The following MYLK3 variants were observed in gnomAD, a reference collection of about 807,000 sequenced individuals.
MYLK3 encodes MLC kinase.
A neutral mutation model predicts 76.3 loss-of-function variants in MYLK3; 55 were observed. The ratio of observed to expected loss-of-function variants is 0.72; its 90% CI spans 0.58 to 0.90. The LOEUF (loss-of-function observed/expected upper bound fraction) is 0.90. MYLK3 is among the 40% of genes least tolerant of loss of function. MYLK3 has a pLI of 0.00. For missense variants in MYLK3, 973 were observed against 1,053.6 expected (o/e 0.92, Z 1.06); for synonymous variants, 416 against 425.4 (o/e 0.98, Z 0.27).
intron 9 of MYLK3, among the ~76,000 whole-genome samples, chr16:46,716,887 C>G (rs1966745948): frequency 6.6e-6 from 1 of 152,190 alleles, no homozygotes; most frequent in Admixed American, 6.5e-5. Flanking sequence ...GATGGCTGAA[C>G]ATGGGGAGAT....
At chr16:46,748,406 G>A (rs1243358560), upstream of MYLK3, 8 of 873,690 alleles carry the variant, frequency 9.2e-6, no homozygotes, top group African/African-American at 1.7e-5. This position sits in a 1 kb window ranked among gnomAD's most constrained non-coding sequence, Gnocchi z 4.3. Flanking sequence ...CACCCTACAC[G>A]GGCCTGTGAG....
chr16:46,754,771 G>A (rs1395039392), intron 1 of MYLK3, among the ~76,000 whole-genome samples: 1 of 152,194 alleles, frequency 6.6e-6, no homozygotes, highest in African/African-American at 2.4e-5. Context: ...ACAACTGGAT[G>A]CTGGAAGAGA....
upstream of MYLK3, among the ~76,000 whole-genome samples, chr16:46,751,224 A>C (rs1967120434): frequency 6.6e-6 from 1 of 152,026 alleles, no homozygotes; most frequent in African/African-American, 2.4e-5. Context: ...CAGCCTGGTC[A>C]ACATGATGAA....
intron 2 of MYLK3, 42 bp from the exon 3 acceptor site, chr16:46,738,185 A>G (rs757410664): frequency 3.0e-5 from 43 of 1,437,974 alleles, no homozygotes; most frequent in Non-Finnish European, 4.0e-5. Flanking sequence ...TCCCATGTGG[A>G]GGAGTCTGCC....
intron 9 of MYLK3, 33 bp from the exon 10 acceptor site, chr16:46,712,809 G>A: frequency 6.5e-7 from 1 of 1,541,444 alleles, no homozygotes; most frequent in South Asian, 1.3e-5. Context: ...AAGAAGCATG[G>A]GGTGAGGCCT....
chr16:46,739,955 G>T, intron 2 of MYLK3, 102 bp downstream of exon 2: 1 of 799,130 alleles, frequency 1.3e-6, no homozygotes, highest in South Asian at 2.0e-5. Flanking sequence ...AAGAAGCTTT[G>T]ACAGTTGCCC....
chr16:46,708,015 A>AG (rs906713022), intron 12 of MYLK3, among the ~76,000 whole-genome samples: 30 of 151,576 alleles, frequency 2.0e-4, no homozygotes, highest in South Asian at 4.2e-4. Flanking sequence ...GGGAGGGGGT[A>AG]GGGGGGTCAG....
chr16:46,753,948 C>T (rs915259325), intron 1 of MYLK3, among the ~76,000 whole-genome samples: 4 of 151,930 alleles, frequency 2.6e-5, no homozygotes, highest in African/African-American at 4.8e-5. Context: ...TTTGTGGCCA[C>T]AGAAAAGCGT....
chr16:46,755,902 C>CTTT, intron 1 of MYLK3, among the ~76,000 whole-genome samples: 1 of 46,702 alleles, frequency 2.1e-5, no homozygotes, highest in South Asian at 6.4e-4. Flanking sequence ...TTTCTTTTTT[C>CTTT]TTTCTTTTTT....
intron 3 of MYLK3, 70 bp from the exon 4 acceptor site, chr16:46,732,738 C>G: frequency 8.2e-7 from 1 of 1,217,212 alleles, no homozygotes; most frequent in Non-Finnish European, 1.1e-6. Context: ...ACGTGGGTTC[C>G]AATGCCCACT....
rs1275310831 is a variant in MYLK3, at chr16:46,718,242, C to T, written c.1985+2881G>A. On this transcript the variant is annotated intron_variant, in intron 9 of 12. Coordinates refer to ENST00000394809, the MANE Select transcript of MYLK3 (RefSeq NM_182493.3). Reference sequence around the variant, plus strand: ...AGAAACACTGCCCTAGTGTATACAACGTGCAAGCATGTGGGAGGCATCTGA... The same window carrying T: ...AGAAACACTGCCCTAGTGTATACAATGTGCAAGCATGTGGGAGGCATCTGA... 2.6e-5 allele frequency among the ~76,000 whole-genome samples: 4 copies of T among 152,208 alleles called. No individual in the cohort carries two copies. In the East Asian group the frequency reaches 5.8e-4, roughly 22 times the overall value.
At chr16:46,730,057 C>A in intron 5 of MYLK3, 1 of 413,600 alleles carries the variant, frequency 2.4e-6, no homozygotes, top group Non-Finnish European at 4.5e-6. Context: ...TCCCCTCACC[C>A]CACACCACCC....
Position 46,729,697 on chromosome 16 carries a change from C to T in MYLK3, c.1569-10G>A, listed in dbSNP as rs547611755. ...CTGGCCAAACCGACCCCTGCAGAGACATAGCCACACGGCAGGCTGAGAGCC... is the reference window on the plus strand; with the variant it reads ...CTGGCCAAACCGACCCCTGCAGAGATATAGCCACACGGCAGGCTGAGAGCC... On this transcript the variant is annotated splice_polypyrimidine_tract_variant and intron_variant, in intron 5 of 12. Coordinates refer to ENST00000394809, the MANE Select transcript of MYLK3 (RefSeq NM_182493.3). 59 of 1,612,602 alleles carry T rather than the reference C, an allele frequency of 3.7e-5. 1 individual carries two copies. The South Asian group carries it at 6.3e-4, about 17-fold the overall frequency.
chr16:46,730,693 T>C lies in MYLK3; in HGVS notation c.1468A>G (p.Ser490Gly), dbSNP rs1165889514. ...TCAAAAGGAGCTGGTGGGGCCGGAC[T>C]GTCATCTGCTCAGGAGGCAATAAGG... ...AEAGSVVLDD[S>G]PAPPAPFEHR... is the part of the protein sequence containing the mutation. The change falls in exon 5 of 13, where the codon AGT becomes GGT. Residue 490 changes from serine to glycine, a missense_variant. Physicochemically the swap from Ser to Gly is moderately conservative, Grantham distance 56 (BLOSUM62 0). Coordinates refer to ENST00000394809, the MANE Select transcript of MYLK3 (RefSeq NM_182493.3). 6.2e-7 allele frequency: 1 copy of C among 1,613,794 alleles called. No homozygotes were observed. The highest frequency in any genetic ancestry group is 1.7e-5 in the Admixed American group (1 of 59,996).
rs191838475 is a variant in MYLK3 at position 46,733,936 on chromosome 16, A to G, written c.1002-1268T>C. On this transcript the variant is annotated intron_variant, in intron 3 of 12. Coordinates refer to ENST00000394809, the MANE Select transcript of MYLK3 (RefSeq NM_182493.3). ...ACAGATGCACCAAGAGTCAACCAAGAGAGGAAGGCACAAATGCAGGGGTTC... is the reference window on the plus strand; with the variant it reads ...ACAGATGCACCAAGAGTCAACCAAGGGAGGAAGGCACAAATGCAGGGGTTC... Among the ~76,000 whole-genome samples the G allele has an allele frequency of 2.6e-5, 4 of 152,286 alleles. No individual in the cohort carries two copies. In the East Asian group the frequency reaches 7.7e-4, roughly 29 times the overall value.
chr16:46,711,875 C>A (rs1966687393), intron 10 of MYLK3: 1 of 165,386 alleles, frequency 6.0e-6, no homozygotes, highest in Admixed American at 6.4e-5. Flanking sequence ...AGTTCCCCAG[C>A]AGAATGAAAC....
rs763802175 is a variant in MYLK3 at position 46,737,889 on chromosome 16, A to C, written c.823T>G (p.Ser275Ala). 1.9e-6 allele frequency: 3 copies of C among 1,614,028 alleles called. No individual in the cohort carries two copies. The African/African-American group carries it at 4.0e-5, about 22-fold the overall frequency. The change falls in exon 3 of 13, where the codon TCC (serine) becomes GCC (alanine). Residue 275 changes from serine (S) to alanine (A), a missense_variant. Physicochemically the swap from Ser to Ala is moderately conservative, Grantham distance 99. Transcript: ENST00000394809. ...CCTGGTGCAACCTCCAGGCTCGGGGAGACCACATTGACCCTGCCGGGTGCT... is the reference window on the plus strand; with the variant it reads ...CCTGGTGCAACCTCCAGGCTCGGGGCGACCACATTGACCCTGCCGGGTGCT... ...APAPGRVNVV[S>A]PSLEVAPGAG...
chr16:46,721,723 G>A (rs1230131090), intron 8 of MYLK3, among the ~76,000 whole-genome samples: 4 of 152,072 alleles, frequency 2.6e-5, no homozygotes, highest in African/African-American at 7.2e-5. Flanking sequence ...ACAACTAAAC[G>A]AAATCTAAAC....
intron 1 of MYLK3, among the ~76,000 whole-genome samples, chr16:46,762,815 C>A (rs752652645): frequency 6.6e-6 from 1 of 152,178 alleles, no homozygotes; most frequent in South Asian, 2.1e-4. Flanking sequence ...CTCATCACAG[C>A]GACAGGTGGA....
Sources: allele counts gnomAD v4.1 joint callset (sites outside exome capture counted in the v4.1 genomes callset), GRCh38; gene constraint gnomAD v4.1.1; non-coding constraint Gnocchi (gnomAD v3.1); transcripts MANE v1.5; gene names NCBI Gene and HGNC (gene_info 2026-07-23, HGNC 2026-07-21).